The following DPYD variants were observed in gnomAD, a reference collection of about 807,000 sequenced individuals.
The protein encoded by DPYD is dihydropyrimidine dehydrogenase, also known as dihydropyrimidine dehydrogenase [NADP(+)].
A neutral mutation model predicts 116.2 loss-of-function variants in DPYD; 109 were observed. That is an observed-to-expected ratio of 0.94 (90% CI 0.80 to 1.10). The LOEUF is 1.10. Among genes scored for constraint, DPYD ranks in the 50% least tolerant of loss-of-function variants. DPYD has a pLI of 0.00. For missense variants in DPYD, 1,302 were observed against 1,254.5 expected, an observed-to-expected ratio of 1.04 and a Z score of -0.57; for synonymous variants, 440 against 432.0, an observed-to-expected ratio of 1.02 and a Z score of -0.23.
intron 19 of DPYD, among the ~76,000 whole-genome samples, chr1:97,226,539 T>C (rs1661177653): frequency 6.6e-6 from 1 of 152,104 alleles, no homozygotes; most frequent in African/African-American, 2.4e-5. Context: ...AGCTGCAGGA[T>C]ACAAAATTCA....
At chr1:97,383,481 A>AAAAAAAAAAAAAAAAG in intron 14 of DPYD, among the ~76,000 whole-genome samples, 1 of 148,940 alleles carries the variant, frequency 6.7e-6, no homozygotes, top group African/African-American at 2.5e-5. Flanking sequence ...GTCTCAAAAA[A>AAAAAAAAAAAAAAAAG]AAAAAAAGAA....
intron 5 of DPYD, among the ~76,000 whole-genome samples, chr1:97,704,925 T>G (rs183273554): frequency 6.6e-6 from 1 of 152,182 alleles, no homozygotes; most frequent in African/African-American, 2.4e-5. Flanking sequence ...ATACTTAATA[T>G]GTATTTCCCC....
intron 3 of DPYD, among the ~76,000 whole-genome samples, chr1:97,767,921 C>G (rs938352945): frequency 6.6e-6 from 1 of 152,046 alleles, no homozygotes; most frequent in Non-Finnish European, 1.5e-5. Context: ...GTTCTTTCAA[C>G]TTGACTGTGT....
At chr1:97,286,038 T>C (rs924364476) in intron 18 of DPYD, among the ~76,000 whole-genome samples, 4 of 152,202 alleles carry the variant, frequency 2.6e-5, no homozygotes, top group African/African-American at 9.7e-5. Context: ...CAATTTGGCA[T>C]GATTTTGCAG....
intron 6 of DPYD, among the ~76,000 whole-genome samples, chr1:97,698,689 T>C (rs1179724215): frequency 1.3e-5 from 2 of 151,906 alleles, no homozygotes; most frequent in African/African-American, 4.8e-5. Flanking sequence ...AATTCTTTAT[T>C]TTGTATAAAA....
intron 16 of DPYD, among the ~76,000 whole-genome samples, chr1:97,309,821 A>T (rs1667393893): frequency 6.6e-6 from 1 of 151,772 alleles, no homozygotes; most frequent in Admixed American, 6.6e-5. Flanking sequence ...CTAATCTGGG[A>T]CACAAGATAA....
At chr1:97,485,945 A>C (rs1678608447) in intron 13 of DPYD, among the ~76,000 whole-genome samples, 1 of 152,210 alleles carries the variant, frequency 6.6e-6, no homozygotes, top group African/African-American at 2.4e-5. Flanking sequence ...TGCAATATTT[A>C]AATGAATGAT....
intron 19 of DPYD, among the ~76,000 whole-genome samples, chr1:97,202,699 G>T (rs879329070): frequency 6.6e-6 from 1 of 152,210 alleles, no homozygotes; most frequent in Non-Finnish European, 1.5e-5. Context: ...ATTAGTCAAA[G>T]GGCTGTGCCC....
At chr1:97,369,112 T>C (rs1170327176) in intron 16 of DPYD, among the ~76,000 whole-genome samples, 2 of 152,140 alleles carry the variant, frequency 1.3e-5, no homozygotes, top group Non-Finnish European at 2.9e-5. Context: ...GGTAAGAACA[T>C]GTAGCATGTA....
At chr1:97,343,764 T>A (rs542594711) in intron 16 of DPYD, among the ~76,000 whole-genome samples, 14 of 152,132 alleles carry the variant, frequency 9.2e-5, no homozygotes. Context: ...CTTTCTTTTG[T>A]GGTCAGGTAT....
intron 19 of DPYD, among the ~76,000 whole-genome samples, chr1:97,198,662 T>C (rs1043095802): frequency 1.3e-5 from 2 of 152,198 alleles, no homozygotes; most frequent in African/African-American, 4.8e-5. Flanking sequence ...TCTTAATTGT[T>C]TGTTTAACAG....
chr1:97,273,568 G>A (rs1035318415), intron 18 of DPYD, among the ~76,000 whole-genome samples: 3 of 152,162 alleles, frequency 2.0e-5, no homozygotes, highest in African/African-American at 7.2e-5. Context: ...GAGGACTAAG[G>A]AAGGTGGTAA....
chr1:97,897,505 T>C (rs945667557), intron 1 of DPYD, among the ~76,000 whole-genome samples: 1 of 151,916 alleles, frequency 6.6e-6, no homozygotes, highest in African/African-American at 2.4e-5. Flanking sequence ...TCCATTTACA[T>C]GTATATGAGG....
Position 97,623,211 on chromosome 1 carries a change from T to C in DPYD, c.851-28045A>G, listed in dbSNP as rs554601984. ...GACTGTGAAGCAGAGAGGTAAGAAT[T>C]AGGTGCAAACTGAGGGGTGTCCCCC... On this transcript the variant is annotated intron_variant, in intron 8 of 22. Coordinates refer to ENST00000370192, the MANE Select transcript of DPYD (RefSeq NM_000110.4). 1.2e-4 allele frequency among the ~76,000 whole-genome samples: 18 copies of C among 152,094 alleles called. No individual in the cohort carries two copies. The South Asian group carries it at 3.7e-3, about 32-fold the overall frequency.
intron 8 of DPYD, among the ~76,000 whole-genome samples, chr1:97,602,384 T>C (rs1655306332): frequency 6.6e-6 from 1 of 152,068 alleles, no homozygotes; most frequent in African/African-American, 2.4e-5. Flanking sequence ...ATTTAGAATA[T>C]CTACAGGTGA....
intron 1 of DPYD, among the ~76,000 whole-genome samples, chr1:97,901,563 A>G (rs1673370074): frequency 6.6e-6 from 1 of 151,794 alleles, no homozygotes; most frequent in South Asian, 2.1e-4. Context: ...AAAAGTAAAT[A>G]CACCTCCCAT....
chr1:97,384,246 G>GAA (rs11286049), intron 14 of DPYD, among the ~76,000 whole-genome samples: 40,237 of 138,004 alleles, frequency 0.29, 6,879 homozygotes, highest in South Asian at 0.45. Context: ...TTTACTTTGA[G>GAA]AAAAAAAAAA....
chr1:97,206,895 C>T (rs574441292), intron 19 of DPYD, among the ~76,000 whole-genome samples: 2 of 150,066 alleles, frequency 1.3e-5, no homozygotes, highest in African/African-American at 4.9e-5. Context: ...ACATATATAC[C>T]TATGTATATG....
chr1:97,743,655 A>T (rs1469682926), intron 3 of DPYD, among the ~76,000 whole-genome samples: 2 of 152,144 alleles, frequency 1.3e-5, no homozygotes, highest in African/African-American at 4.8e-5. Flanking sequence ...GCAGAAATGC[A>T]TGTCAGAATG....
Sources: allele counts gnomAD v4.1 joint callset (sites outside exome capture counted in the v4.1 genomes callset), GRCh38; gene constraint gnomAD v4.1.1; transcripts MANE v1.5; gene names NCBI Gene and HGNC (gene_info 2026-07-23, HGNC 2026-07-21).